Variants in NEDD4L observed in about 807,000 individuals in gnomAD.
NEDD4L encodes the protein E3 ubiquitin-protein ligase NEDD4-like.
A neutral mutation model predicts 148.9 loss-of-function variants in NEDD4L; 54 were observed. That is an observed-to-expected ratio of 0.36 (90% CI 0.29 to 0.45). The LOEUF is 0.45. Ranked by LOEUF, NEDD4L falls within the 20% of genes least tolerant of loss-of-function variation. The pLI, the probability that NEDD4L is intolerant of heterozygous loss-of-function variation, is 1.00. For synonymous variants in NEDD4L, 433 were observed against 440.7 expected (o/e 0.98, Z 0.22); for missense variants, 856 against 1,233.8 (o/e 0.69, Z 4.59).
chr18:58,093,826 A>T (rs951138277), intron 1 of NEDD4L, among the ~76,000 whole-genome samples: 9 of 152,338 alleles, frequency 5.9e-5, no homozygotes, highest in Middle Eastern at 3.4e-3. Context: ...AGAACATCTA[A>T]AATAGGTTAA....
intron 22 of NEDD4L, among the ~76,000 whole-genome samples, chr18:58,368,429 A>G (rs17064883): frequency 0.026 from 3,992 of 152,304 alleles, 190 homozygotes; most frequent in African/African-American, 0.092. Context: ...GGCGGTATCT[A>G]TAGGCTTAGA....
At chr18:58,158,572 G>A (rs1320054393) in intron 1 of NEDD4L, among the ~76,000 whole-genome samples, 4 of 152,168 alleles carry the variant, frequency 2.6e-5, no homozygotes, top group Non-Finnish European at 5.9e-5. Context: ...TTACCCAGTA[G>A]AAGTTGAGAG....
At chr18:58,096,315 T>C (rs1206083313) in intron 1 of NEDD4L, among the ~76,000 whole-genome samples, 2 of 151,696 alleles carry the variant, frequency 1.3e-5, no homozygotes, top group Non-Finnish European at 2.9e-5. Context: ...CTAAAACGAA[T>C]CCTCCTGGCC....
chr18:58,114,178 A>G (rs148911718), intron 1 of NEDD4L, among the ~76,000 whole-genome samples: 2,008 of 152,278 alleles, frequency 0.013, 14 homozygotes, highest in Non-Finnish European at 0.016. Context: ...CATCATTACA[A>G]TTTATCAACT....
intron 2 of NEDD4L, among the ~76,000 whole-genome samples, chr18:58,188,866 C>T (rs186421139): frequency 1.2e-4 from 18 of 152,318 alleles, no homozygotes; most frequent in African/African-American, 4.1e-4. Context: ...TAATAGTCTT[C>T]CAGTTAGTCT....
chr18:58,356,012 G>A (rs2044584747), intron 18 of NEDD4L, among the ~76,000 whole-genome samples: 8 of 152,148 alleles, frequency 5.3e-5, no homozygotes, highest in Admixed American at 3.9e-4. Flanking sequence ...CTGGAGCATA[G>A]TGGCACAGTC....
At chr18:58,164,590 C>T (rs1243662550) in intron 1 of NEDD4L, among the ~76,000 whole-genome samples, 1 of 152,154 alleles carries the variant, frequency 6.6e-6, no homozygotes, top group Non-Finnish European at 1.5e-5. Context: ...CCTGCCTCAG[C>T]CTCCTGAGTA....
At chr18:58,282,761 G>GA (rs1289603491) in intron 5 of NEDD4L, among the ~76,000 whole-genome samples, 3 of 151,940 alleles carry the variant, frequency 2.0e-5, no homozygotes, top group Non-Finnish European at 4.4e-5. Flanking sequence ...TAATAATATA[G>GA]AAAAAAGAAA....
chr18:58,070,954 G>T (rs1001908708), intron 1 of NEDD4L, among the ~76,000 whole-genome samples: 19 of 152,060 alleles, frequency 1.2e-4, no homozygotes, highest in Admixed American at 9.8e-4. Context: ...TTGACACATT[G>T]TATTAGATAA....
At chr18:58,093,669 G>A (rs17064328) in intron 1 of NEDD4L, among the ~76,000 whole-genome samples, 15,249 of 152,142 alleles carry the variant, frequency 0.1, 948 homozygotes, top group Admixed American at 0.16. Context: ...TATTTGCTAC[G>A]TGCTCATGTG....
At position 58,094,512 on chromosome 18, in the gene NEDD4L, G is replaced by A. The variant is rs549607180; in HGVS notation, c.48+49804G>A. Among the ~76,000 whole-genome samples the A allele has an allele frequency of 3.3e-5, 5 of 152,134 alleles. No individual in the cohort carries two copies. The East Asian group carries it at 7.7e-4, about 23-fold the overall frequency. On this transcript the variant is annotated intron_variant, in intron 1 of 30. Coordinates refer to ENST00000400345, the MANE Select transcript of NEDD4L (RefSeq NM_001144967.3). ...ACTCCTGCACCCTTACCTTTTCGCC[G>A]CCCTGGCCGGCTGGACGACTGCACC...
chr18:58,324,788 CAGA>C (rs1423351830), intron 8 of NEDD4L, among the ~76,000 whole-genome samples: 1 of 152,150 alleles, frequency 6.6e-6, no homozygotes, highest in Non-Finnish European at 1.5e-5. Context: ...GGCCATTACT[CAGA>C]AGATTTTTGA....
rs768419047 is a variant in NEDD4L at position 58,256,555 on chromosome 18, G to A, written c.297+4501G>A. 1.7e-5 allele frequency: 21 copies of A among 1,232,252 alleles called. No homozygotes were observed. The highest frequency in any genetic ancestry group is 4.2e-5 in the Admixed American group (1 of 23,710). 76.3% of individuals were successfully genotyped at this position (1,232,252 alleles called of 1,614,324 possible). On this transcript the variant is annotated intron_variant, in intron 5 of 30. Coordinates refer to ENST00000400345, the MANE Select transcript of NEDD4L (RefSeq NM_001144967.3). This position sits in a 1 kb window ranked among gnomAD's most constrained non-coding sequence, Gnocchi z 5.2. ...CCACGGAAGATCGGGGAGCCCTGGA[G>A]GCATCGCCTCGAGCTGGCAGGATGG...
At chr18:58,368,293 T>C (rs972245846) in intron 22 of NEDD4L, among the ~76,000 whole-genome samples, 2 of 152,228 alleles carry the variant, frequency 1.3e-5, no homozygotes, top group Non-Finnish European at 2.9e-5. Flanking sequence ...CAAAATAATG[T>C]TACTGCTTAG....
intron 18 of NEDD4L, among the ~76,000 whole-genome samples, chr18:58,355,097 G>A (rs1311735891): frequency 3.3e-5 from 5 of 152,196 alleles, no homozygotes; most frequent in African/African-American, 1.2e-4. Flanking sequence ...TTTCCCAGAG[G>A]GGAGGGATGG....
intron 1 of NEDD4L, among the ~76,000 whole-genome samples, chr18:58,111,036 A>C (rs1049437382): frequency 6.6e-6 from 1 of 152,216 alleles, no homozygotes; most frequent in Non-Finnish European, 1.5e-5. Context: ...ATTATATTCA[A>C]CGTTGTGCAA....
intron 30 of NEDD4L, among the ~76,000 whole-genome samples, chr18:58,395,811 G>A (rs373219841): frequency 7.9e-5 from 12 of 152,258 alleles, no homozygotes; most frequent in African/African-American, 2.6e-4. Context: ...ATAAGTAATA[G>A]TATTAGAGAT....
intron 2 of NEDD4L, among the ~76,000 whole-genome samples, chr18:58,242,921 T>A (rs1273084226): frequency 6.6e-6 from 1 of 152,220 alleles, no homozygotes; most frequent in East Asian, 1.9e-4. Context: ...CGATCTTCCA[T>A]AGAGTTGATC....
intron 5 of NEDD4L, among the ~76,000 whole-genome samples, chr18:58,296,215 A>T (rs2055550142): frequency 1.3e-5 from 2 of 152,178 alleles, no homozygotes; most frequent in South Asian, 4.1e-4. Context: ...TTAGTTAGGA[A>T]GGAGATTGTC....
Sources: gnomAD v4.1 joint callset for allele counts (sites outside exome capture counted in the v4.1 genomes callset) on GRCh38, gnomAD v4.1.1 for gene constraint, Gnocchi (gnomAD v3.1) non-coding constraint, MANE v1.5 for transcripts, NCBI Gene and HGNC (gene_info 2026-07-23, HGNC 2026-07-21) for gene names.